ADAMTSL1: variants seen among roughly 807,000 people sequenced by gnomAD.
ADAMTSL1 encodes the protein ADAMTS-like protein 1.
ADAMTSL1 carries 126 observed loss-of-function variants against 201.8 expected under a neutral mutation model. The observed-to-expected ratio is 0.62, with a 90% CI of 0.54 to 0.72. The LOEUF is 0.72. ADAMTSL1 is among the 30% of genes least tolerant of loss of function. The pLI, the probability that ADAMTSL1 is intolerant of heterozygous loss-of-function variation, is 0.00. For synonymous variants in ADAMTSL1, 1,121 were observed against 903.4 expected (o/e 1.24, Z -4.32); for missense variants, 2,679 against 2,277.8 (o/e 1.18, Z -3.59).
At chr9:18,784,371 A>G (rs1486708138) in intron 19 of ADAMTSL1, among the ~76,000 whole-genome samples, 1 of 152,228 alleles carries the variant, frequency 6.6e-6, no homozygotes, top group African/African-American at 2.4e-5. Context: ...TAGACACTCA[A>G]CAAATAAAAA....
At chr9:18,710,671 GTT>G (rs1218055587) in intron 14 of ADAMTSL1, among the ~76,000 whole-genome samples, 15 of 97,182 alleles carry the variant, frequency 1.5e-4, no homozygotes, top group African/African-American at 4.5e-4. Context: ...GTTTTGTTTT[GTT>G]TTTTTTTTTT....
chr9:18,321,800 C>A (rs115865343), intron 2 of ADAMTSL1, among the ~76,000 whole-genome samples: 2,521 of 152,048 alleles, frequency 0.017, 68 homozygotes, highest in African/African-American at 0.058. Context: ...GTCAAAAAAA[C>A]CAAAACAAAA....
chr9:18,754,134 C>T (rs1243536969), intron 16 of ADAMTSL1, among the ~76,000 whole-genome samples: 8 of 152,054 alleles, frequency 5.3e-5, no homozygotes, highest in African/African-American at 9.7e-5. Context: ...TTTTACGTAC[C>T]GTCTATGGCT....
intron 2 of ADAMTSL1, among the ~76,000 whole-genome samples, chr9:18,304,867 C>A (rs895476514): frequency 2.0e-5 from 3 of 152,108 alleles, no homozygotes; most frequent in Non-Finnish European, 4.4e-5. Context: ...AAAAATGTTT[C>A]TGTTTTATTC....
At chr9:18,473,846 G>A (rs927012963), upstream of ADAMTSL1, 1 of 250,478 alleles carries the variant, frequency 4.0e-6, no homozygotes, top group African/African-American at 2.2e-5. Flanking sequence ...CAGGTCCATG[G>A]GAAGCACAGT....
chr9:18,063,916 G>C (rs1822577451), intron 1 of ADAMTSL1, among the ~76,000 whole-genome samples: 1 of 152,126 alleles, frequency 6.6e-6, no homozygotes, highest in South Asian at 2.1e-4. Context: ...ACCAGAGCCA[G>C]CTTCCAATTT....
chr9:18,896,852 C>T (rs1829669001), intron 26 of ADAMTSL1, among the ~76,000 whole-genome samples: 1 of 152,206 alleles, frequency 6.6e-6, no homozygotes, highest in Admixed American at 6.5e-5. Context: ...CAGACTCAGG[C>T]CCTGGGAATC....
At chr9:18,375,350 A>AT (rs1404250765) in intron 2 of ADAMTSL1, among the ~76,000 whole-genome samples, 3 of 151,856 alleles carry the variant, frequency 2.0e-5, no homozygotes, top group Non-Finnish European at 4.4e-5. Context: ...TATTTTATTT[A>AT]TTTTATATTA....
intron 1 of ADAMTSL1, among the ~76,000 whole-genome samples, chr9:17,991,068 AAAT>A (rs1489259871): frequency 6.6e-6 from 1 of 152,202 alleles, no homozygotes; most frequent in Non-Finnish European, 1.5e-5. Context: ...AGAATTTAAC[AAAT>A]AATTGAGGCA....
intron 1 of ADAMTSL1, among the ~76,000 whole-genome samples, chr9:18,159,511 T>G (rs1305564377): frequency 2.6e-5 from 4 of 152,076 alleles, no homozygotes; most frequent in African/African-American, 9.7e-5. Context: ...GGAATTTCTA[T>G]TCATAATCAG....
chr9:18,621,402 A>G (rs1826023252), intron 4 of ADAMTSL1, among the ~76,000 whole-genome samples: 1 of 152,172 alleles, frequency 6.6e-6, no homozygotes, highest in Non-Finnish European at 1.5e-5. Flanking sequence ...GGTAAGACTC[A>G]TGGCCTCAAC....
rs117583156 is a variant in ADAMTSL1 at position 18,795,087 on chromosome 9, G to A, written c.3678-310G>A. 1.0e-3 allele frequency among the ~76,000 whole-genome samples: 154 copies of A among 152,170 alleles called. 2 individuals carry two copies. In the East Asian group the frequency reaches 0.026, roughly 25 times the overall value. ...TTGTTCTAGCATCCCCCCTTCCCCC[G>A]GATATCTGTGTGTGTTATATGTATT... On this transcript the variant is annotated intron_variant, in intron 19 of 28. Transcript: ENST00000380548.
At chr9:18,646,414 T>G (rs919057178) in intron 7 of ADAMTSL1, among the ~76,000 whole-genome samples, 11 of 152,082 alleles carry the variant, frequency 7.2e-5, no homozygotes, top group African/African-American at 2.4e-4. Flanking sequence ...TGGCCAGAAC[T>G]TCCAGCACTA....
chr9:18,156,314 T>C (rs1412857336), intron 1 of ADAMTSL1, among the ~76,000 whole-genome samples: 1 of 151,970 alleles, frequency 6.6e-6, no homozygotes, highest in African/African-American at 2.4e-5. Context: ...CAATGTAAAC[T>C]AAGCAGGGGT....
chr9:18,464,656 A>G (rs956878238), intron 2 of ADAMTSL1, among the ~76,000 whole-genome samples: 1 of 152,230 alleles, frequency 6.6e-6, no homozygotes, highest in Non-Finnish European at 1.5e-5. Context: ...CCATAAAATC[A>G]ATCTGATCCT....
intron 1 of ADAMTSL1, among the ~76,000 whole-genome samples, chr9:18,139,014 G>A (rs763085906): frequency 1.2e-4 from 19 of 152,234 alleles, no homozygotes; most frequent in South Asian, 2.1e-4. Context: ...GAACCTTGCA[G>A]GAGATTACCT....
intron 1 of ADAMTSL1, among the ~76,000 whole-genome samples, chr9:18,117,167 T>A (rs773206900): frequency 6.6e-6 from 1 of 152,166 alleles, no homozygotes; most frequent in Non-Finnish European, 1.5e-5. Flanking sequence ...GCTGTAGTTA[T>A]CTCTATATTT....
chr9:18,444,987 G>C (rs765873537), intron 2 of ADAMTSL1, among the ~76,000 whole-genome samples: 2 of 152,110 alleles, frequency 1.3e-5, no homozygotes, highest in Non-Finnish European at 2.9e-5. Flanking sequence ...AAGTCAGAGA[G>C]TTTAGGTAAC....
intron 2 of ADAMTSL1, among the ~76,000 whole-genome samples, chr9:18,402,037 C>A (rs1818007731): frequency 6.6e-6 from 1 of 152,178 alleles, no homozygotes; most frequent in Non-Finnish European, 1.5e-5. Context: ...GATAGGCGAA[C>A]TTTATTTTCT....
Sources: gnomAD v4.1 joint callset for allele counts (sites outside exome capture counted in the v4.1 genomes callset) on GRCh38, gnomAD v4.1.1 for gene constraint, MANE v1.5 for transcripts, NCBI Gene and HGNC (gene_info 2026-07-23, HGNC 2026-07-21) for gene names.